Variants in CALN1 observed in about 807,000 individuals in gnomAD.
CALN1 encodes calneuron 1.
A neutral mutation model predicts 30.6 loss-of-function variants in CALN1; 17 were observed. The observed-to-expected ratio is 0.56, with a 90% CI of 0.38 to 0.83. CALN1 has a LOEUF of 0.83. Ranked by LOEUF, CALN1 falls within the 40% of genes least tolerant of loss-of-function variation. The probability of loss-of-function intolerance (pLI) is 0.00; values close to 1 mark genes in which losing one functional copy is unlikely to be tolerated. For synonymous variants in CALN1, 156 were observed against 131.4 expected (o/e 1.19, Z -1.28); for missense variants, 291 against 354.9 (o/e 0.82, Z 1.45).
chr7:72,501,233 T>C, the CALN1 span, among the ~76,000 whole-genome samples: 1 of 151,266 alleles, frequency 6.6e-6, no homozygotes, highest in Non-Finnish European at 1.5e-5. Flanking sequence ...GCTAGACATG[T>C]AAGAAAACCA....
rs553301552 is a variant in CALN1 at position 71,870,920 on chromosome 7, T to TC, written c.502-60429dup. Among the ~76,000 whole-genome samples the TC allele has an allele frequency of 1.8e-3, 270 of 152,206 alleles. 1 individual carries two copies. The highest frequency in any genetic ancestry group is 6.2e-3 in the African/African-American group (259 of 41,534). On this transcript the variant is annotated intron_variant, in intron 5 of 6. Transcript: ENST00000395275. ...TTTTAATGCTTATTCTATTCTGGAG[T>TC]CCCACCATACACTTCCTATAGGCAA...
intron 3 of CALN1, among the ~76,000 whole-genome samples, chr7:72,106,794 A>AAGGAAGGGAGGGAGGAAGGAAGGGAGGG (rs1807177356): frequency 3.0e-5 from 1 of 33,158 alleles, no homozygotes; most frequent in Admixed American, 3.8e-4. Context: ...GGGAGGGAGG[A>AAGGAAGGGAGGGAGGAAGGAAGGGAGGG]AGGAAGGGAG....
Position 72,036,415 on chromosome 7 carries a change from A to T in CALN1, c.389-12646T>A, listed in dbSNP as rs2129533028. Reference sequence around the variant, plus strand: ...GAAGTGTTCAACCATTCTTTCTTCAAATATTCCCTCTGCTCCCTCCCCTAT... The same window carrying T: ...GAAGTGTTCAACCATTCTTTCTTCATATATTCCCTCTGCTCCCTCCCCTAT... On this transcript the variant is annotated intron_variant, in intron 4 of 6. Transcript: ENST00000395275. Among the ~76,000 whole-genome samples the T allele has an allele frequency of 2.0e-5, 3 of 152,228 alleles. 1 individual carries two copies.
chr7:72,065,242 A>G (rs1803941678), intron 4 of CALN1, among the ~76,000 whole-genome samples: 1 of 151,982 alleles, frequency 6.6e-6, no homozygotes, highest in Non-Finnish European at 1.5e-5. Flanking sequence ...ACAATGCATC[A>G]TGGCCAGCAA....
chr7:72,145,677 A>T (rs1295325971), intron 3 of CALN1, among the ~76,000 whole-genome samples: 1 of 152,252 alleles, frequency 6.6e-6, no homozygotes, highest in Non-Finnish European at 1.5e-5. Context: ...AAAAAAGAGA[A>T]TTTTAGACCA....
Position 71,928,124 on chromosome 7 carries a change from G to A in CALN1, c.501+95533C>T, listed in dbSNP as rs140171275. Among the ~76,000 whole-genome samples, 945 of 152,238 alleles carry A rather than the reference G, an allele frequency of 6.2e-3. 9 individuals are homozygous for A. Among genetic ancestry groups the A allele is most frequent in the African/African-American group, 0.021 (885 of 41,544 alleles). ...TCCTCTCTGTCTTCAATATGGAGGA[G>A]GGCTTTCTCTCACCTCCTGCCCCAT... On this transcript the variant is annotated intron_variant, in intron 5 of 6. Coordinates refer to ENST00000395275, the MANE Select transcript of CALN1 (RefSeq NM_031468.4).
chr7:72,297,615 ATACAG>A (rs1439451220), intron 2 of CALN1, among the ~76,000 whole-genome samples: 1 of 152,232 alleles, frequency 6.6e-6, no homozygotes, highest in Non-Finnish European at 1.5e-5. Flanking sequence ...ACACTTTGTT[ATACAG>A]TAATTTGAAG....
chr7:72,238,218 G>T (rs1046977140), intron 3 of CALN1, among the ~76,000 whole-genome samples: 1 of 152,082 alleles, frequency 6.6e-6, no homozygotes, highest in Non-Finnish European at 1.5e-5. Flanking sequence ...AGTTACAAGA[G>T]CACATCAAAA....
At chr7:71,999,435 T>C (rs1799414388) in intron 5 of CALN1, among the ~76,000 whole-genome samples, 1 of 152,094 alleles carries the variant, frequency 6.6e-6, no homozygotes, top group Admixed American at 6.5e-5. Flanking sequence ...ACAATCAGTA[T>C]GTATACAGAG....
At chr7:72,399,373 C>T (rs983165056) in intron 2 of CALN1, among the ~76,000 whole-genome samples, 1 of 146,612 alleles carries the variant, frequency 6.8e-6, no homozygotes, top group Non-Finnish European at 1.5e-5. Context: ...CAGGTTCAAG[C>T]GATTCTCCTG....
At chr7:72,394,698 G>A (rs1189546043) in intron 2 of CALN1, among the ~76,000 whole-genome samples, 2 of 141,834 alleles carry the variant, frequency 1.4e-5, no homozygotes, top group South Asian at 4.4e-4. Context: ...GTCTCACTAT[G>A]TTGCCCAGGC....
chr7:72,100,873 C>T (rs1806610130), intron 4 of CALN1, among the ~76,000 whole-genome samples: 1 of 149,488 alleles, frequency 6.7e-6, no homozygotes, highest in African/African-American at 2.5e-5. Context: ...AGGAATAACA[C>T]TCTACAAGAA....
At chr7:72,182,597 G>A (rs571212084) in intron 3 of CALN1, among the ~76,000 whole-genome samples, 6 of 152,122 alleles carry the variant, frequency 3.9e-5, no homozygotes, top group Non-Finnish European at 7.4e-5. Flanking sequence ...GCACACACCT[G>A]TAGTCCCAGC....
rs920207246 is a variant in CALN1, at chr7:72,336,811, C to G, written c.120-58001G>C. ...AGGGGGCGGTGCGGAATGGATGCGC[C>G]GAGCGGGCAGCGCTCAGCCTCTCGC... is the stretch of plus-strand genomic sequence containing the variant. On this transcript the variant is annotated intron_variant, in intron 2 of 6. Coordinates refer to ENST00000395275, the MANE Select transcript of CALN1 (RefSeq NM_031468.4). The G allele has an allele frequency of 5.1e-6, 5 of 985,058 alleles. No individual in the cohort carries two copies. In the African/African-American group the frequency reaches 5.2e-5, roughly 10 times the overall value. The allele number at this position is 985,058 out of a possible 1,614,324, so 61.0% of individuals were successfully genotyped here. A position where few individuals can be genotyped will look rare whatever the true frequency, so the allele number is the denominator to read the frequency against.
At chr7:72,302,912 A>AAAAT (rs1799386292) in intron 2 of CALN1, among the ~76,000 whole-genome samples, 1 of 149,966 alleles carries the variant, frequency 6.7e-6, no homozygotes, top group Admixed American at 6.7e-5. Context: ...AAAAAAAAAA[A>AAAAT]AAAAACGAAA....
intron 5 of CALN1, among the ~76,000 whole-genome samples, chr7:71,919,550 T>G (rs983633134): frequency 3.9e-5 from 6 of 152,198 alleles, no homozygotes; most frequent in Non-Finnish European, 8.8e-5. Flanking sequence ...AAGAGAATAT[T>G]ACAATTTTAA....
At chr7:72,114,324 G>T (rs1384685279) in intron 3 of CALN1, among the ~76,000 whole-genome samples, 1 of 140,292 alleles carries the variant, frequency 7.1e-6, no homozygotes. Context: ...CAACACTGTA[G>T]TTTACGTGAT....
chr7:71,835,312 T>C (rs959655028), intron 5 of CALN1, among the ~76,000 whole-genome samples: 3 of 152,200 alleles, frequency 2.0e-5, no homozygotes, highest in Non-Finnish European at 4.4e-5. Flanking sequence ...TCTTACCAAA[T>C]CATACATAAG....
At chr7:71,987,112 C>T (rs1367759513) in intron 5 of CALN1, among the ~76,000 whole-genome samples, 1 of 150,124 alleles carries the variant, frequency 6.7e-6, no homozygotes, top group Admixed American at 6.6e-5. Flanking sequence ...GGTGACAGAG[C>T]GAAGCTTCGT....
Sources: allele counts gnomAD v4.1 joint callset (sites outside exome capture counted in the v4.1 genomes callset), GRCh38; gene constraint gnomAD v4.1.1; transcripts MANE v1.5; gene names NCBI Gene and HGNC (gene_info 2026-07-23, HGNC 2026-07-21).